Variants in TPO observed in about 807,000 individuals in gnomAD.
The protein encoded by TPO is thyroid peroxidase, also known as thyroid microsomal antigen.
Under a neutral mutation model 96.9 loss-of-function variants are expected in TPO, and 78 were observed. The observed-to-expected ratio is 0.81, with a 90% CI of 0.67 to 0.97. TPO has a LOEUF of 0.97. Among genes scored for constraint, TPO ranks in the 50% least tolerant of loss-of-function variants. The pLI, the probability that TPO is intolerant of heterozygous loss-of-function variation, is 0.00. For synonymous variants in TPO, 547 were observed against 538.0 expected, an observed-to-expected ratio of 1.02 and a Z score of -0.23; for missense variants, 1,252 against 1,274.8, an observed-to-expected ratio of 0.98 and a Z score of 0.27.
At position 1,436,269 on chromosome 2, in the gene TPO, C is replaced by T. The variant is rs749787716; in HGVS notation, c.367C>T (p.Leu123=). The change falls in exon 5 of 17, where the codon CTG becomes TTG. Residue 123 remains leucine (L), a synonymous_variant. Coordinates refer to ENST00000329066, the MANE Select transcript of TPO (RefSeq NM_001206744.2). The part of the protein sequence containing the change: ...QHPTDALSED[L]LSIIANMSGC... ...TTTCACAGATGCTTTATCAGAAGAT[C>T]TGCTGAGCATCATTGCAAACATGTC... 1 of 1,614,210 alleles carries T rather than the reference C, an allele frequency of 6.2e-7. No homozygotes were observed. The highest frequency in any genetic ancestry group is 1.1e-5 in the South Asian group (1 of 91,084).
chr2:1,496,087 C>A lies in TPO; in HGVS notation c.2105C>A (p.Thr702Asn). ...SRVICDNTGLTRVPMDAFQVG... is the reference protein window; with the variant it reads ...SRVICDNTGLNRVPMDAFQVG... ...GTCATCTGTGACAACACTGGCCTCA[C>A]CAGGGTGCCCATGGATGCCTTCCAA... is the stretch of plus-strand genomic sequence containing the variant. Residue 702 changes from threonine to asparagine, a missense_variant, in exon 12 of 17, where the codon ACC (threonine) becomes AAC (asparagine). Thr to Asn is a moderately conservative substitution (Grantham distance 65, BLOSUM62 0). Transcript: ENST00000329066. The A allele has an allele frequency of 6.2e-7, 1 of 1,614,090 alleles. No individual in the cohort carries two copies. Among genetic ancestry groups the A allele is most frequent in the East Asian group, 2.2e-5 (1 of 44,876 alleles).
chr2:1,394,660 G>T (rs901438947), intron 1 of TPO, among the ~76,000 whole-genome samples: 1 of 152,260 alleles, frequency 6.6e-6, no homozygotes, highest in African/African-American at 2.4e-5. Flanking sequence ...GACCTTCAGG[G>T]CCACTGTCCT....
intron 1 of TPO, among the ~76,000 whole-genome samples, chr2:1,395,966 G>A (rs1292196193): frequency 2.0e-5 from 3 of 152,222 alleles, no homozygotes; most frequent in Non-Finnish European, 2.9e-5. Flanking sequence ...AAGTTACCCA[G>A]TCTGGGATAT....
At chr2:1,472,660 G>T (rs1361800997) in intron 7 of TPO, among the ~76,000 whole-genome samples, 1 of 152,076 alleles carries the variant, frequency 6.6e-6, no homozygotes, top group Non-Finnish European at 1.5e-5. Flanking sequence ...ATCACCAGAA[G>T]TGACACTGCC....
chr2:1,382,636 G>A (rs1049057374), intron 1 of TPO, among the ~76,000 whole-genome samples: 1 of 152,178 alleles, frequency 6.6e-6, no homozygotes, highest in Non-Finnish European at 1.5e-5. Context: ...CTGATGGAAA[G>A]AACCTTGCTA....
Position 1,542,646 on chromosome 2 carries a change from T to C in TPO, c.*172T>C, listed in dbSNP as rs2125365284. On this transcript the variant is annotated 3_prime_UTR_variant, in exon 17 of 17. Transcript: ENST00000329066. ...GGCATGGATGAATAAATGTTATAGC[T>C]GCATTTGTCTGGCCTTTTCTTGTAA... 1 of 1,535,874 alleles carries C rather than the reference T, an allele frequency of 6.5e-7. No homozygotes were observed. The highest frequency in any genetic ancestry group is 8.8e-7 in the Non-Finnish European group (1 of 1,135,172).
intron 3 of TPO, among the ~76,000 whole-genome samples, chr2:1,429,539 A>G (rs925778215): frequency 6.6e-6 from 1 of 152,176 alleles, no homozygotes; most frequent in African/African-American, 2.4e-5. Flanking sequence ...GGCTGAGAAG[A>G]AGAGAGAAAG....
At position 1,496,168 on chromosome 2, in the gene TPO, T is replaced by C; in HGVS notation, c.2186T>C (p.Leu729Pro). 2 of 1,614,006 alleles carry C rather than the reference T, an allele frequency of 1.2e-6. No homozygotes were observed. ...ESCDSITGMN[L>P]EAWRETFPQD... The stretch of plus-strand genomic sequence containing the variant: ...TGTGACAGCATCACTGGCATGAACC[T>C]GGAGGCCTGGAGGGAAACCTTTCCT... The change falls in exon 12 of 17, where the codon CTG becomes CCG. Residue 729 changes from leucine to proline, a missense_variant. Coordinates refer to ENST00000329066, the MANE Select transcript of TPO (RefSeq NM_001206744.2).
At chr2:1,507,416 T>C (rs930910862) in intron 14 of TPO, among the ~76,000 whole-genome samples, 3 of 152,356 alleles carry the variant, frequency 2.0e-5, no homozygotes, top group Admixed American at 6.5e-5. Flanking sequence ...TCCAATTCTG[T>C]GAAGAAAGTC....
At chr2:1,492,546 C>G (rs1008798712) in intron 10 of TPO, among the ~76,000 whole-genome samples, 2 of 152,226 alleles carry the variant, frequency 1.3e-5, no homozygotes, top group Non-Finnish European at 2.9e-5. Context: ...GTTCCCACCC[C>G]TTTGCTCCAT....
upstream of TPO, among the ~76,000 whole-genome samples, chr2:1,409,200 C>T (rs1387023181): frequency 6.6e-6 from 1 of 152,192 alleles, no homozygotes; most frequent in Non-Finnish European, 1.5e-5. Flanking sequence ...AGATTCCAGA[C>T]TCCTACCTCC....
rs184708438 is a variant in TPO, at chr2:1,542,324, G to A, written c.2749-97G>A. The A allele has an allele frequency of 5.1e-3, 7,653 of 1,510,044 alleles. 34 individuals carry two copies. Among genetic ancestry groups the A allele is most frequent in the Non-Finnish European group, 6.0e-3 (6,640 of 1,102,142 alleles). 93.5% of individuals were successfully genotyped at this position (1,510,044 alleles called of 1,614,324 possible). A position where few individuals can be genotyped will look rare whatever the true frequency, so the allele number is the denominator to read the frequency against. On this transcript the variant is annotated intron_variant, in intron 16 of 16. Coordinates refer to ENST00000329066, the MANE Select transcript of TPO (RefSeq NM_001206744.2). ...TCGCCAGCGGTCCTTTGTGAAAAGA[G>A]CTCCTGTCCAGGCCCTTCTGTCTTG...
chr2:1,521,108 G>A (rs1675210860), intron 15 of TPO, among the ~76,000 whole-genome samples: 1 of 152,146 alleles, frequency 6.6e-6, no homozygotes, highest in Non-Finnish European at 1.5e-5. Flanking sequence ...GTTTTCAGTT[G>A]TATTTTGTAT....
intron 15 of TPO, among the ~76,000 whole-genome samples, chr2:1,520,641 ACTC>A (rs1675162735): frequency 6.6e-6 from 1 of 151,958 alleles, no homozygotes; most frequent in African/African-American, 2.4e-5. Context: ...CATGAAACCA[ACTC>A]CTCCATCAAC....
intron 15 of TPO, among the ~76,000 whole-genome samples, chr2:1,537,791 T>TTGTGAGCAACCTCCCAAAATCCCCCCAG (rs1680169735): frequency 7.5e-5 from 2 of 26,594 alleles, no homozygotes; most frequent in African/African-American, 2.8e-4. Context: ...AATCCCCCCA[T>TTGTGAGCAACCTCCCAAAATCCCCCCAG]TGTGAGCAAT....
At chr2:1,414,569 G>A in intron 2 of TPO, 67 bp downstream of exon 2, 1 of 1,453,580 alleles carries the variant, frequency 6.9e-7, no homozygotes, top group Non-Finnish European at 9.6e-7. Flanking sequence ...CTAAAATAGA[G>A]GGCATAATGG....
At chr2:1,392,979 T>C (rs185053630) in intron 1 of TPO, among the ~76,000 whole-genome samples, 1 of 152,342 alleles carries the variant, frequency 6.6e-6, no homozygotes, top group East Asian at 1.9e-4. Context: ...ATAGACTCTT[T>C]GTCATCACTG....
intron 15 of TPO, among the ~76,000 whole-genome samples, chr2:1,528,595 C>G (rs1461494453): frequency 1.4e-5 from 2 of 147,126 alleles, no homozygotes; most frequent in African/African-American, 5.1e-5. Flanking sequence ...GCAACCGCCC[C>G]AAATCTACCC....
chr2:1,446,838 G>A lies in TPO; in HGVS notation c.483-6856G>A, dbSNP rs555376679. 2.0e-5 allele frequency among the ~76,000 whole-genome samples: 3 copies of A among 152,164 alleles called. No homozygotes were observed. In the South Asian group the frequency reaches 6.2e-4, roughly 32 times the overall value. Reference sequence around the variant, plus strand: ...CATGGAAAGAAAACTTTTTTGTTATGTTTAAGAATCTTGCTTTCTCTGAAG... The same window carrying A: ...CATGGAAAGAAAACTTTTTTGTTATATTTAAGAATCTTGCTTTCTCTGAAG... On this transcript the variant is annotated intron_variant, in intron 5 of 16. Coordinates refer to ENST00000329066, the MANE Select transcript of TPO (RefSeq NM_001206744.2).
Sources: allele counts gnomAD v4.1 joint callset (sites outside exome capture counted in the v4.1 genomes callset), GRCh38; gene constraint gnomAD v4.1.1; transcripts MANE v1.5; gene names NCBI Gene and HGNC (gene_info 2026-07-23, HGNC 2026-07-21).